Variants in PTPRD observed in about 807,000 individuals in gnomAD.
PTPRD encodes the protein receptor-type tyrosine-protein phosphatase delta.
A neutral mutation model predicts 214.5 loss-of-function variants in PTPRD; 34 were observed. The ratio of observed to expected loss-of-function variants is 0.16; its 90% CI spans 0.12 to 0.21. PTPRD has a LOEUF of 0.21. PTPRD is among the 10% of genes least tolerant of loss of function. The probability of loss-of-function intolerance (pLI) is 1.00; values close to 1 mark genes in which losing one functional copy is unlikely to be tolerated. For synonymous variants in PTPRD, 1,128 were observed against 845.7 expected (o/e 1.33, Z -5.79); for missense variants, 2,545 against 2,398.7 (o/e 1.06, Z -1.27).
chr9:10,399,431 C>G (rs775288829), intron 2 of PTPRD, among the ~76,000 whole-genome samples: 5 of 151,866 alleles, frequency 3.3e-5, no homozygotes, highest in Non-Finnish European at 7.4e-5. Context: ...AAATCCAAAA[C>G]ATTTTCATAA....
At chr9:8,370,677 T>C (rs1229430622) in intron 39 of PTPRD, among the ~76,000 whole-genome samples, 1 of 151,636 alleles carries the variant, frequency 6.6e-6, no homozygotes, top group Non-Finnish European at 1.5e-5. Flanking sequence ...AAGGAAGGAG[T>C]GGCTCATTCT....
intron 44 of PTPRD, among the ~76,000 whole-genome samples, chr9:8,323,259 A>C (rs1386355522): frequency 6.6e-6 from 1 of 152,226 alleles, no homozygotes; most frequent in Non-Finnish European, 1.5e-5. Context: ...GGTGGAATGT[A>C]CAAGGAGATT....
chr9:8,482,554 G>A (rs1027401956), intron 30 of PTPRD, among the ~76,000 whole-genome samples: 1 of 152,030 alleles, frequency 6.6e-6, no homozygotes, highest in Non-Finnish European at 1.5e-5. Context: ...TAGAAGAAAT[G>A]AGAAAGGATT....
At chr9:9,086,448 T>C (rs1282490496) in intron 10 of PTPRD, among the ~76,000 whole-genome samples, 1 of 152,224 alleles carries the variant, frequency 6.6e-6, no homozygotes, top group Non-Finnish European at 1.5e-5. Flanking sequence ...GACTGATTTC[T>C]GTCTCACATC....
At chr9:8,754,413 T>C (rs1013487665) in intron 11 of PTPRD, among the ~76,000 whole-genome samples, 3 of 152,048 alleles carry the variant, frequency 2.0e-5, no homozygotes, top group African/African-American at 4.8e-5. Context: ...ACAAGCAAAA[T>C]AGTGGAACAG....
intron 3 of PTPRD, among the ~76,000 whole-genome samples, chr9:10,112,399 T>C (rs755028598): frequency 1.1e-4 from 16 of 152,218 alleles, no homozygotes; most frequent in Non-Finnish European, 1.6e-4. Flanking sequence ...AAAGATTTGT[T>C]CAATGATGTA....
Position 8,582,663 on chromosome 9 carries a change from A to G in PTPRD, c.352+50654T>C, listed in dbSNP as rs558640901. ...AGCCCTACTAGGCACCAGTGGGGGG[A>G]AAAACAAATTTAACAATAAGATACT... On this transcript the variant is annotated intron_variant, in intron 14 of 45. Coordinates refer to ENST00000381196, the MANE Select transcript of PTPRD (RefSeq NM_002839.4). Among the ~76,000 whole-genome samples, 43 of 152,300 alleles carry G rather than the reference A, an allele frequency of 2.8e-4. 1 individual carries two copies. The highest frequency in any genetic ancestry group is 6.7e-4 in the African/African-American group (28 of 41,578).
At chr9:9,014,188 T>G (rs1053830982) in intron 11 of PTPRD, among the ~76,000 whole-genome samples, 77 of 59,306 alleles carry the variant, frequency 1.3e-3, no homozygotes, top group African/African-American at 5.1e-3. Context: ...TTTTTTTTTG[T>G]TTGTTTGTTT....
intron 3 of PTPRD, among the ~76,000 whole-genome samples, chr9:10,150,209 G>T (rs28478109): frequency 0.11 from 16,011 of 152,122 alleles, 927 homozygotes; most frequent in Admixed American, 0.15. Context: ...ATAATATAAA[G>T]GTTTACCAAT....
chr9:8,992,216 T>C (rs1158142395), intron 11 of PTPRD, among the ~76,000 whole-genome samples: 1 of 152,154 alleles, frequency 6.6e-6, no homozygotes, highest in African/African-American at 2.4e-5. Flanking sequence ...ATGTCAAGTG[T>C]AAACATATCA....
chr9:8,588,136 A>C (rs1030888020), intron 14 of PTPRD, among the ~76,000 whole-genome samples: 1 of 152,206 alleles, frequency 6.6e-6, no homozygotes, highest in African/African-American at 2.4e-5. Flanking sequence ...ATGAGAGCGA[A>C]AGCCAGCAAA....
chr9:8,370,936 G>A (rs1003741823), intron 39 of PTPRD, among the ~76,000 whole-genome samples: 10 of 152,080 alleles, frequency 6.6e-5, no homozygotes, highest in African/African-American at 1.9e-4. Context: ...ATTACTCCTT[G>A]TAAATTACCA....
intron 7 of PTPRD, among the ~76,000 whole-genome samples, chr9:9,693,712 T>C (rs2097317148): frequency 6.6e-6 from 1 of 152,210 alleles, no homozygotes; most frequent in African/African-American, 2.4e-5. Flanking sequence ...TCCTCTTTAA[T>C]TAAGGCCACT....
intron 4 of PTPRD, among the ~76,000 whole-genome samples, chr9:9,948,162 A>C (rs1282090915): frequency 1.3e-5 from 2 of 152,070 alleles, no homozygotes; most frequent in South Asian, 2.1e-4. Flanking sequence ...CTCATCATTC[A>C]GGGCCCTATT....
chr9:8,873,584 T>A (rs1026565519), intron 11 of PTPRD, among the ~76,000 whole-genome samples: 6 of 152,204 alleles, frequency 3.9e-5, no homozygotes, highest in African/African-American at 1.2e-4. Context: ...AAATAAATAG[T>A]TTTCTCTATC....
At chr9:9,496,751 A>T (rs146847731) in intron 8 of PTPRD, among the ~76,000 whole-genome samples, 1 of 152,162 alleles carries the variant, frequency 6.6e-6, no homozygotes, top group African/African-American at 2.4e-5. Context: ...TACTGCTGGA[A>T]ATATATCAAA....
intron 14 of PTPRD, among the ~76,000 whole-genome samples, chr9:8,593,674 G>A (rs566866335): frequency 1.4e-4 from 22 of 152,174 alleles, no homozygotes; most frequent in Middle Eastern, 3.4e-3. Flanking sequence ...AAAAGGTTTC[G>A]AGGCCATATC....
chr9:9,544,722 G>T (rs1188766308), intron 8 of PTPRD, among the ~76,000 whole-genome samples: 1 of 151,600 alleles, frequency 6.6e-6, no homozygotes, highest in Non-Finnish European at 1.5e-5. Context: ...TAAAAAGATA[G>T]ATATTTTGAG....
In PTPRD at chr9:8,421,372, C is replaced by CTCTTCTCT. The variant is rs1320344995; in HGVS notation, c.4086+15219_4086+15220insAGAGAAGA. Among the ~76,000 whole-genome samples the CTCTTCTCT allele has an allele frequency of 1.5e-3, 219 of 147,748 alleles. 1 individual carries two copies. Among genetic ancestry groups the CTCTTCTCT allele is most frequent in the African/African-American group, 4.7e-3 (189 of 39,828 alleles). Reference sequence around the variant, plus strand: ...TTCTTCTTCTCTCTTCTCTTCTCTTCTCTCTCTCTCTCTCTTTCTTTCTTT... The same window carrying CTCTTCTCT: ...TTCTTCTTCTCTCTTCTCTTCTCTTCTCTTCTCTTCTCTCTCTCTCTCTTTCTTTCTTT... On this transcript the variant is annotated intron_variant, in intron 35 of 45. Coordinates refer to ENST00000381196, the MANE Select transcript of PTPRD (RefSeq NM_002839.4).
Sources: allele counts gnomAD v4.1 joint callset (sites outside exome capture counted in the v4.1 genomes callset), GRCh38; gene constraint gnomAD v4.1.1; transcripts MANE v1.5; gene names NCBI Gene and HGNC (gene_info 2026-07-23, HGNC 2026-07-21).